The following QKI variants were observed in gnomAD, a reference collection of about 807,000 sequenced individuals.
QKI encodes the protein QKI, KH domain containing RNA binding.
Under a neutral mutation model 39.0 loss-of-function variants are expected in QKI, and 10 were observed. That is an observed-to-expected ratio of 0.26 (90% CI 0.16 to 0.43). QKI has a LOEUF of 0.43. Among genes scored for constraint, QKI ranks in the 20% least tolerant of loss-of-function variants. The pLI is 1.00. For missense variants in QKI, 218 were observed against 428.0 expected (o/e 0.51, Z 4.33); for synonymous variants, 204 against 155.4 (o/e 1.31, Z -2.33).
intron 3 of QKI, among the ~76,000 whole-genome samples, chr6:163,494,893 A>G (rs1049858599): frequency 1.3e-5 from 2 of 151,216 alleles, no homozygotes; most frequent in Non-Finnish European, 2.9e-5. Flanking sequence ...AAAGAATCAT[A>G]AGGTGTCTTT....
intron 1 of QKI, among the ~76,000 whole-genome samples, chr6:163,452,471 T>G (rs1790643534): frequency 6.6e-6 from 1 of 152,200 alleles, no homozygotes; most frequent in Admixed American, 6.5e-5. Flanking sequence ...CATGACTTGT[T>G]TAACTTTAAT....
intron 3 of QKI, among the ~76,000 whole-genome samples, chr6:163,516,529 G>A (rs1369553600): frequency 3.9e-5 from 6 of 152,060 alleles, no homozygotes; most frequent in Non-Finnish European, 5.9e-5. Context: ...TCTTGACCTC[G>A]TGATCCACCC....
At chr6:163,430,983 C>T (rs1445339832) in intron 1 of QKI, among the ~76,000 whole-genome samples, 1 of 152,128 alleles carries the variant, frequency 6.6e-6, no homozygotes, top group Non-Finnish European at 1.5e-5. Context: ...TGAGCATTTT[C>T]TGAAATTACT....
At chr6:163,439,259 A>G (rs1472031676) in intron 1 of QKI, among the ~76,000 whole-genome samples, 1 of 151,580 alleles carries the variant, frequency 6.6e-6, no homozygotes, top group African/African-American at 2.4e-5. Context: ...ACACCTACAA[A>G]TATTTGTTGT....
chr6:163,418,513 G>GGTGTGT (rs1488320960), intron 1 of QKI, among the ~76,000 whole-genome samples: 1 of 151,896 alleles, frequency 6.6e-6, no homozygotes, highest in African/African-American at 2.4e-5. Flanking sequence ...TGGTGGTGGG[G>GGTGTGT]GTGTGTGTGC....
At chr6:163,559,972 CAGTT>C (rs879755160) in intron 4 of QKI, among the ~76,000 whole-genome samples, 22 of 152,208 alleles carry the variant, frequency 1.4e-4, no homozygotes, top group Admixed American at 2.6e-4. Flanking sequence ...AAGTGGGGGG[CAGTT>C]AGTTCTATCT....
chr6:163,564,990 A>G (rs1783263756), intron 6 of QKI: 4 of 1,265,544 alleles, frequency 3.2e-6, no homozygotes, highest in Admixed American at 7.2e-5. Context: ...TCGTTGTTCA[A>G]GTAAAGAAAG....
chr6:163,451,197 C>T (rs564864309), intron 1 of QKI, among the ~76,000 whole-genome samples: 1 of 151,452 alleles, frequency 6.6e-6, no homozygotes, highest in African/African-American at 2.5e-5. Context: ...ACACCATTAG[C>T]AAAATGTCAG....
At chr6:163,474,662 G>T (rs764607903) in intron 2 of QKI, among the ~76,000 whole-genome samples, 10 of 152,012 alleles carry the variant, frequency 6.6e-5, no homozygotes, top group Non-Finnish European at 1.5e-4. Flanking sequence ...GGTGTCTCCA[G>T]CCTGTAATCC....
At chr6:163,552,603 A>T (rs941909483) in intron 4 of QKI, among the ~76,000 whole-genome samples, 4 of 152,106 alleles carry the variant, frequency 2.6e-5, no homozygotes, top group African/African-American at 7.2e-5. Context: ...AGGGGCAGAA[A>T]AATGTCTGTA....
intron 3 of QKI, among the ~76,000 whole-genome samples, chr6:163,480,212 A>G (rs1792966804): frequency 6.6e-6 from 1 of 152,102 alleles, no homozygotes; most frequent in Admixed American, 6.6e-5. Context: ...CCAAAGATTA[A>G]AAGTGTTTTA....
chr6:163,564,591 A>G lies in QKI; in HGVS notation c.934+872A>G, dbSNP rs1384693418. 8.7e-6 allele frequency: 14 copies of G among 1,606,712 alleles called. No individual in the cohort carries two copies. In the East Asian group the frequency reaches 3.1e-4, roughly 36 times the overall value. On this transcript the variant is annotated intron_variant, in intron 6 of 7. Transcript: ENST00000361752. ...CACTTAAGGCAGAAATTAAAATCAT[A>G]ATATAAACGCTTGGTTTTACATGAA...
intron 1 of QKI, among the ~76,000 whole-genome samples, chr6:163,421,230 T>C (rs1182152980): frequency 6.6e-6 from 1 of 152,260 alleles, no homozygotes; most frequent in African/African-American, 2.4e-5. Flanking sequence ...TTATTTGTAG[T>C]ACTTGCTGCC....
chr6:163,452,722 C>T (rs1440167942), intron 1 of QKI, among the ~76,000 whole-genome samples: 5 of 151,460 alleles, frequency 3.3e-5, no homozygotes, highest in Non-Finnish European at 7.4e-5. Context: ...TTGTTTTATA[C>T]ATTTTCTTTT....
At chr6:163,489,666 T>A (rs1487435384) in intron 3 of QKI, among the ~76,000 whole-genome samples, 1 of 152,184 alleles carries the variant, frequency 6.6e-6, no homozygotes, top group Non-Finnish European at 1.5e-5. Flanking sequence ...TAAATGTTTT[T>A]AAGTGGAAAT....
intron 3 of QKI, among the ~76,000 whole-genome samples, chr6:163,510,800 A>C (rs1779402781): frequency 6.6e-6 from 1 of 152,212 alleles, no homozygotes; most frequent in South Asian, 2.1e-4. Context: ...GAATGACTTA[A>C]TACATGAAAA....
chr6:163,564,973 C>A, intron 6 of QKI: 1 of 1,269,946 alleles, frequency 7.9e-7, no homozygotes, highest in Non-Finnish European at 9.9e-7. Context: ...GATTTAAACT[C>A]GAAAATTCGT....
rs1783614334 is a variant in QKI at position 163,570,105 on chromosome 6, A to T, written c.1010-589A>T. The T allele has an allele frequency of 5.1e-6, 5 of 986,152 alleles. No homozygotes were observed. The South Asian group carries it at 1.9e-4, about 37-fold the overall frequency. The allele number at this position is 986,152 out of a possible 1,614,324, so 61.1% of individuals were successfully genotyped here. ...GAAATTCCATGTTGTTTGTAAATAGAATAATTGAAAAAGCAATAAACATTT... is the reference window on the plus strand; with the variant it reads ...GAAATTCCATGTTGTTTGTAAATAGTATAATTGAAAAAGCAATAAACATTT... On this transcript the variant is annotated intron_variant, in intron 7 of 7. Transcript: ENST00000361752.
chr6:163,535,219 G>T (rs539700218), intron 4 of QKI, 94 bp downstream of exon 4: 2 of 1,243,560 alleles, frequency 1.6e-6, no homozygotes, highest in East Asian at 5.3e-5. Context: ...ATAGGTTATT[G>T]GTTGTTAGAA....
Sources: gnomAD v4.1 joint callset for allele counts (sites outside exome capture counted in the v4.1 genomes callset) on GRCh38, gnomAD v4.1.1 for gene constraint, MANE v1.5 for transcripts, NCBI Gene and HGNC (gene_info 2026-07-23, HGNC 2026-07-21) for gene names.